The following RPS6KB1 variants were observed in gnomAD, a reference collection of about 807,000 sequenced individuals.
RPS6KB1 encodes ribosomal protein S6 kinase beta-1.
Under a neutral mutation model 70.2 loss-of-function variants are expected in RPS6KB1, and 12 were observed. The observed-to-expected ratio is 0.17, with a 90% CI of 0.11 to 0.28. RPS6KB1 has a LOEUF of 0.28. Among genes scored for constraint, RPS6KB1 ranks in the 10% least tolerant of loss-of-function variants. The pLI is 1.00. For missense variants in RPS6KB1, 270 were observed against 646.6 expected, an observed-to-expected ratio of 0.42 and a Z score of 6.32; for synonymous variants, 175 against 211.2, an observed-to-expected ratio of 0.83 and a Z score of 1.49.
chr17:59,939,533 C>T (rs2044456951), intron 12 of RPS6KB1, among the ~76,000 whole-genome samples: 1 of 152,228 alleles, frequency 6.6e-6, no homozygotes, highest in African/African-American at 2.4e-5. Flanking sequence ...CCACCTGCCT[C>T]TGCCTCCCAA....
At chr17:59,909,711 T>C (rs1028062618) in intron 1 of RPS6KB1, among the ~76,000 whole-genome samples, 2 of 151,574 alleles carry the variant, frequency 1.3e-5, no homozygotes, top group Non-Finnish European at 2.9e-5. Flanking sequence ...ACCCCATCTC[T>C]ACTAAAAATG....
In RPS6KB1 at chr17:59,912,665, G is replaced by T. The variant is rs751907900; in HGVS notation, c.192-19G>T. The T allele has an allele frequency of 6.2e-7, 1 of 1,601,796 alleles. No individual in the cohort carries two copies. The highest frequency in any genetic ancestry group is 8.5e-7 in the Non-Finnish European group (1 of 1,174,170). Reference sequence around the variant, plus strand: ...TTAACTTTTTGCAAATTTATTTTTGGTTTTGCTTTTCTTCCCAGTGGCATG... The same window carrying T: ...TTAACTTTTTGCAAATTTATTTTTGTTTTTGCTTTTCTTCCCAGTGGCATG... On this transcript the variant is annotated intron_variant, in intron 2 of 14. Transcript: ENST00000225577.
intron 5 of RPS6KB1, among the ~76,000 whole-genome samples, chr17:59,927,682 T>A (rs2043695800): frequency 6.6e-6 from 1 of 151,168 alleles, no homozygotes; most frequent in Non-Finnish European, 1.5e-5. Flanking sequence ...TTTTTTTGTA[T>A]TTTTAGTAGA....
intron 1 of RPS6KB1, among the ~76,000 whole-genome samples, chr17:59,900,230 A>ACACACC (rs1355022894): frequency 1.4e-3 from 189 of 136,780 alleles, no homozygotes; most frequent in South Asian, 4.4e-3. Context: ...ACACACACAC[A>ACACACC]CCCCTATGTG....
Position 59,947,485 on chromosome 17 carries a change from G to T in RPS6KB1, c.*697G>T, listed in dbSNP as rs557633832. 2.1e-6 allele frequency: 3 copies of T among 1,460,682 alleles called. No individual in the cohort carries two copies. The highest frequency in any genetic ancestry group is 2.9e-5 in the South Asian group (2 of 68,904). 90.5% of individuals were successfully genotyped at this position (1,460,682 alleles called of 1,614,324 possible). A position where few individuals can be genotyped will look rare whatever the true frequency, so the allele number is the denominator to read the frequency against. On this transcript the variant is annotated 3_prime_UTR_variant, in exon 15 of 15. Coordinates refer to ENST00000225577, the MANE Select transcript of RPS6KB1 (RefSeq NM_003161.4). ...AACCACAGCTGTGGCTCGTTTGAGG[G>T]ATTGGGGTGGACCTGGGGTTTATTT...
At chr17:59,903,425 T>C (rs1423368087) in intron 1 of RPS6KB1, among the ~76,000 whole-genome samples, 2 of 149,526 alleles carry the variant, frequency 1.3e-5, no homozygotes, top group South Asian at 2.1e-4. Context: ...CAGTGAGCCA[T>C]GATCGCACCA....
intron 13 of RPS6KB1, among the ~76,000 whole-genome samples, chr17:59,941,888 T>C (rs911233288): frequency 7.0e-6 from 1 of 143,068 alleles, no homozygotes; most frequent in African/African-American, 2.6e-5. Context: ...AGAAGGAGTC[T>C]CGCTCTGTCG....
intron 7 of RPS6KB1, among the ~76,000 whole-genome samples, chr17:59,932,379 T>A (rs2144968856): frequency 6.6e-6 from 1 of 152,172 alleles, no homozygotes; most frequent in African/African-American, 2.4e-5. Flanking sequence ...GACATTATAC[T>A]CCAGCCTGAG....
intron 1 of RPS6KB1, among the ~76,000 whole-genome samples, chr17:59,898,089 A>G (rs988905846): frequency 4.6e-5 from 7 of 151,870 alleles, no homozygotes; most frequent in Non-Finnish European, 8.8e-5. Flanking sequence ...ACTGTTGATG[A>G]TATCATTTGG....
intron 1 of RPS6KB1, among the ~76,000 whole-genome samples, chr17:59,894,981 T>TTTTTCTTTTCTTTTCTTTTC (rs60799718): frequency 2.0e-5 from 3 of 150,878 alleles, no homozygotes; most frequent in African/African-American, 4.9e-5. Context: ...AGTTGTGTGC[T>TTTTTCTTTTCTTTTCTTTTC]TTTTCTTTTC....
chr17:59,904,631 T>C (rs2042156867), intron 1 of RPS6KB1, among the ~76,000 whole-genome samples: 1 of 150,870 alleles, frequency 6.6e-6, no homozygotes, highest in Non-Finnish European at 1.5e-5. Context: ...TGTCCTCAAA[T>C]TATCCTCCTG....
chr17:59,921,778 G>A (rs1021336646), intron 4 of RPS6KB1, among the ~76,000 whole-genome samples: 2 of 152,092 alleles, frequency 1.3e-5, no homozygotes, highest in Non-Finnish European at 2.9e-5. Context: ...TATTGCCTAC[G>A]GCATTAGTTC....
In RPS6KB1 at chr17:59,931,820, A is replaced by G. The variant is rs182840950; in HGVS notation, c.688+98A>G. The G allele has an allele frequency of 8.1e-3, 5,862 of 722,770 alleles. 105 individuals are homozygous for G. The highest frequency in any genetic ancestry group is 0.051 in the South Asian group (2,854 of 56,498). The allele number at this position is 722,770 out of a possible 1,614,324, so 44.8% of individuals were successfully genotyped here. On this transcript the variant is annotated intron_variant, in intron 7 of 14. Coordinates refer to ENST00000225577, the MANE Select transcript of RPS6KB1 (RefSeq NM_003161.4). ...TTCAAAGCCCCAAATTCATCTCTCT[A>G]TTTTGTATATTTCCTCCCTCAGAAT... is the stretch of plus-strand genomic sequence containing the variant.
At chr17:59,909,766 C>T (rs1226012154) in intron 1 of RPS6KB1, among the ~76,000 whole-genome samples, 1 of 151,958 alleles carries the variant, frequency 6.6e-6, no homozygotes, top group African/African-American at 2.4e-5. Context: ...GTAATCCCAG[C>T]ACTTTGGGAG....
At chr17:59,924,127 G>A (rs1043622541) in intron 4 of RPS6KB1, among the ~76,000 whole-genome samples, 1 of 151,970 alleles carries the variant, frequency 6.6e-6, no homozygotes, top group Non-Finnish European at 1.5e-5. Context: ...AGCTCAGTTC[G>A]AAACCAGCCT....
chr17:59,902,923 A>G (rs571166121), intron 1 of RPS6KB1, among the ~76,000 whole-genome samples: 1 of 152,080 alleles, frequency 6.6e-6, no homozygotes, highest in African/African-American at 2.4e-5. Flanking sequence ...GCTCATGCCT[A>G]TAATCCTAGC....
intron 4 of RPS6KB1, among the ~76,000 whole-genome samples, chr17:59,920,363 A>G (rs1598743012): frequency 6.6e-6 from 1 of 152,178 alleles, no homozygotes; most frequent in East Asian, 1.9e-4. Flanking sequence ...TACTTTAAAG[A>G]CAATCAAAGT....
At chr17:59,928,477 G>A (rs1231798258) in intron 5 of RPS6KB1, among the ~76,000 whole-genome samples, 20 of 151,632 alleles carry the variant, frequency 1.3e-4, no homozygotes, top group Admixed American at 1.1e-3. Flanking sequence ...TGCCTCTCGA[G>A]TAGCTGGGAT....
At chr17:59,941,931 T>C (rs561424528) in intron 13 of RPS6KB1, among the ~76,000 whole-genome samples, 1 of 150,502 alleles carries the variant, frequency 6.6e-6, no homozygotes, top group African/African-American at 2.4e-5. Context: ...CAATCTCAGC[T>C]CACTGCAAGC....
Sources: allele counts gnomAD v4.1 joint callset (sites outside exome capture counted in the v4.1 genomes callset), GRCh38; gene constraint gnomAD v4.1.1; transcripts MANE v1.5; gene names NCBI Gene and HGNC (gene_info 2026-07-23, HGNC 2026-07-21).